Variants in TMEM245 observed in about 807,000 individuals in gnomAD.
The protein encoded by TMEM245 is transmembrane protein 245, also known as protein CG-2.
Under a neutral mutation model 101.2 loss-of-function variants are expected in TMEM245, and 69 were observed. That is an observed-to-expected ratio of 0.68 (90% CI 0.56 to 0.83). The LOEUF is 0.83. TMEM245 is among the 40% of genes least tolerant of loss of function. The pLI, the probability that TMEM245 is intolerant of heterozygous loss-of-function variation, is 0.00. For missense variants in TMEM245, 1,075 were observed against 1,092.8 expected, an observed-to-expected ratio of 0.98 and a Z score of 0.23; for synonymous variants, 537 against 449.8, an observed-to-expected ratio of 1.19 and a Z score of -2.45.
intron 8 of TMEM245, among the ~76,000 whole-genome samples, chr9:109,077,109 G>A (rs1163707528): frequency 6.6e-6 from 1 of 151,280 alleles, no homozygotes; most frequent in Non-Finnish European, 1.5e-5. Flanking sequence ...GAATATAATT[G>A]TTAATTAGGT....
At chr9:109,101,867 C>T (rs1313078675) in intron 3 of TMEM245, among the ~76,000 whole-genome samples, 1 of 152,162 alleles carries the variant, frequency 6.6e-6, no homozygotes, top group East Asian at 1.9e-4. Flanking sequence ...AGTCTTATTA[C>T]CCTTACAGTT....
chr9:109,052,988 C>T (rs1402253002), intron 12 of TMEM245, among the ~76,000 whole-genome samples: 1 of 152,018 alleles, frequency 6.6e-6, no homozygotes, highest in Non-Finnish European at 1.5e-5. Context: ...GAGGAAGAAA[C>T]ATTTCTAGAA....
chr9:109,082,734 T>C (rs1249909402), intron 7 of TMEM245, among the ~76,000 whole-genome samples: 3 of 152,154 alleles, frequency 2.0e-5, no homozygotes, highest in Non-Finnish European at 4.4e-5. Context: ...TTTGAGTATT[T>C]TTAACATATA....
At chr9:109,091,393 A>G (rs1830003267) in intron 4 of TMEM245, among the ~76,000 whole-genome samples, 1 of 152,242 alleles carries the variant, frequency 6.6e-6, no homozygotes, top group Non-Finnish European at 1.5e-5. Flanking sequence ...AGTTGGTGAT[A>G]GAATTGGGAG....
chr9:109,111,873 G>C (rs1830575648), intron 1 of TMEM245, among the ~76,000 whole-genome samples: 1 of 152,130 alleles, frequency 6.6e-6, no homozygotes, highest in South Asian at 2.1e-4. Flanking sequence ...AGATTTCAAG[G>C]AGTAATCTGC....
At chr9:109,065,013 T>G (rs982755434) in intron 9 of TMEM245, among the ~76,000 whole-genome samples, 3 of 152,210 alleles carry the variant, frequency 2.0e-5, no homozygotes, top group African/African-American at 4.8e-5. Flanking sequence ...CTCAAACTCC[T>G]GATCTCAAGT....
At chr9:109,050,482 A>C (rs1472006110) in intron 13 of TMEM245, 54 bp from the exon 14 acceptor site, 1 of 1,612,806 alleles carries the variant, frequency 6.2e-7, no homozygotes, top group African/African-American at 1.3e-5. Flanking sequence ...AAACTATAGG[A>C]AGACAGACAT....
At chr9:109,061,282 C>T (rs1305232903) in intron 10 of TMEM245, among the ~76,000 whole-genome samples, 1 of 152,076 alleles carries the variant, frequency 6.6e-6, no homozygotes, top group Non-Finnish European at 1.5e-5. Flanking sequence ...CGCCAACATG[C>T]TCCAGCCTGA....
intron 7 of TMEM245, among the ~76,000 whole-genome samples, chr9:109,083,453 G>T (rs1829729070): frequency 6.6e-6 from 1 of 152,128 alleles, no homozygotes; most frequent in Admixed American, 6.5e-5. Context: ...GAAAGACTGA[G>T]AAGTTACTTT....
At position 109,071,127 on chromosome 9, in the gene TMEM245, C is replaced by T. The variant is rs545031553; in HGVS notation, c.1532+2229G>A. On this transcript the variant is annotated intron_variant, in intron 9 of 17. Coordinates refer to ENST00000374586, the MANE Select transcript of TMEM245 (RefSeq NM_032012.4). ...AACTCCTGACCTCAGGTGATCCTCCCGCCTCGGCCTCCCAAAGTGCTGGGA... is the reference window on the plus strand; with the variant it reads ...AACTCCTGACCTCAGGTGATCCTCCTGCCTCGGCCTCCCAAAGTGCTGGGA... 2.2e-3 allele frequency among the ~76,000 whole-genome samples: 330 copies of T among 152,016 alleles called. 1 individual carries two copies. The highest frequency in any genetic ancestry group is 3.4e-3 in the Non-Finnish European group (232 of 67,978).
chr9:109,043,344 G>T (rs139769981), intron 14 of TMEM245, among the ~76,000 whole-genome samples: 2 of 152,276 alleles, frequency 1.3e-5, no homozygotes, highest in African/African-American at 4.8e-5. Context: ...GATCCATGGT[G>T]CCAATGGTCA....
intron 12 of TMEM245, among the ~76,000 whole-genome samples, chr9:109,056,132 C>T (rs1828827441): frequency 6.6e-6 from 1 of 152,058 alleles, no homozygotes; most frequent in Non-Finnish European, 1.5e-5. Flanking sequence ...GTAGCATAAA[C>T]ATTATTTTAG....
chr9:109,113,092 G>C (rs1830613049), intron 1 of TMEM245, among the ~76,000 whole-genome samples: 1 of 152,190 alleles, frequency 6.6e-6, no homozygotes, highest in Non-Finnish European at 1.5e-5. Flanking sequence ...GCCAGGGGCA[G>C]GGCGGGGGAA....
Position 109,073,844 on chromosome 9 carries a change from CTTTTTTTTTTTGTTT to C in TMEM245, c.1450-421_1450-407del, listed in dbSNP as rs1300123819. ...GACAAACAGGCAAATAAGGAACTAA[CTTTTTTTTTTTGTTT>C]TTTTTTTTTTTTTTTTAGCCAGGTT... On this transcript the variant is annotated intron_variant, in intron 8 of 17. Transcript: ENST00000374586. Among the ~76,000 whole-genome samples, 14 of 121,586 alleles carry C rather than the reference CTTTTTTTTTTTGTTT, an allele frequency of 1.2e-4. No homozygotes were observed. The East Asian group carries it at 3.2e-3, about 28-fold the overall frequency. 79.8% of individuals were successfully genotyped at this position (121,586 alleles called of 152,430 possible).
Position 109,119,539 on chromosome 9 carries a change from G to C in TMEM245, c.375C>G (p.Leu125=), listed in dbSNP as rs761725478. 3 of 1,531,604 alleles carry C rather than the reference G, an allele frequency of 2.0e-6. No individual in the cohort carries two copies. In the South Asian group the frequency reaches 3.6e-5, roughly 18 times the overall value. 94.9% of individuals were successfully genotyped at this position (1,531,604 alleles called of 1,614,324 possible). Residue 125 remains leucine (L), a synonymous_variant, in exon 1 of 18, where the codon CTC becomes CTG. Transcript: ENST00000374586. ...CGTAGTCGACGAAGCAGAGCGGCAGGAGCAGCGCGGCCAGGACGATGGGCG... is the reference window on the plus strand; with the variant it reads ...CGTAGTCGACGAAGCAGAGCGGCAGCAGCAGCGCGGCCAGGACGATGGGCG... ...AHTPIVLAAL[L]LPLCFVDYGV...
chr9:109,053,786 C>A (rs1021761617), intron 12 of TMEM245, among the ~76,000 whole-genome samples: 2 of 152,302 alleles, frequency 1.3e-5, no homozygotes, highest in Non-Finnish European at 2.9e-5. Flanking sequence ...TCAAACGCAA[C>A]AGTTTAGAAA....
intron 8 of TMEM245, among the ~76,000 whole-genome samples, chr9:109,074,812 T>C (rs1327720945): frequency 6.6e-6 from 1 of 152,008 alleles, no homozygotes; most frequent in Non-Finnish European, 1.5e-5. Flanking sequence ...TCCAATTCTA[T>C]CGGGCCCCAG....
rs145420038 is a variant in TMEM245, at chr9:109,050,484, G to A, written c.1978-56C>T. The stretch of plus-strand genomic sequence containing the variant: ...AAATCGTATTTGGAAACTATAGGAA[G>A]ACAGACATCTGCAATTGCAAATGAA... On this transcript the variant is annotated intron_variant, in intron 13 of 17. Transcript: ENST00000374586. 1.2e-4 allele frequency: 197 copies of A among 1,612,600 alleles called. No homozygotes were observed. In the African/African-American group the frequency reaches 2.1e-3, roughly 17 times the overall value.
At chr9:109,073,865 T>G (rs585453) in intron 8 of TMEM245, among the ~76,000 whole-genome samples, 14,209 of 148,546 alleles carry the variant, frequency 0.096, 861 homozygotes, top group South Asian at 0.24. Context: ...TGTTTTTTTT[T>G]TTTTTTTTTT....
Sources: gnomAD v4.1 joint callset for allele counts (sites outside exome capture counted in the v4.1 genomes callset) on GRCh38, gnomAD v4.1.1 for gene constraint, MANE v1.5 for transcripts, NCBI Gene and HGNC (gene_info 2026-07-23, HGNC 2026-07-21) for gene names.